Variants in ATP2B2 observed in about 807,000 individuals in gnomAD.
ATP2B2 encodes the protein ATPase plasma membrane Ca2+ transporting 2, also known as plasma membrane calcium-transporting ATPase 2.
Under a neutral mutation model 120.0 loss-of-function variants are expected in ATP2B2, and 15 were observed. That is an observed-to-expected ratio of 0.12 (90% CI 0.08 to 0.19). The LOEUF is 0.19. Among genes scored for constraint, ATP2B2 ranks in the 10% least tolerant of loss-of-function variants. The pLI, the probability that ATP2B2 is intolerant of heterozygous loss-of-function variation, is 1.00. For synonymous variants in ATP2B2, 694 were observed against 700.3 expected, an observed-to-expected ratio of 0.99 and a Z score of 0.14; for missense variants, 1,045 against 1,719.8, an observed-to-expected ratio of 0.61 and a Z score of 6.94.
chr3:10,348,832 C>T (rs1267974093), intron 16 of ATP2B2, among the ~76,000 whole-genome samples: 2 of 152,262 alleles, frequency 1.3e-5, no homozygotes, highest in African/African-American at 2.4e-5. Context: ...AGGACCAGGC[C>T]TGTCCTGAGC....
At chr3:10,482,127 C>T (rs1008767809) in intron 1 of ATP2B2, among the ~76,000 whole-genome samples, 5 of 152,290 alleles carry the variant, frequency 3.3e-5, no homozygotes, top group African/African-American at 9.6e-5. Flanking sequence ...TGTTGGTGCG[C>T]GGTAGGTGCT....
chr3:10,704,674 A>C (rs1269565578), intron 1 of ATP2B2, among the ~76,000 whole-genome samples: 2 of 152,182 alleles, frequency 1.3e-5, no homozygotes, highest in Non-Finnish European at 2.9e-5. Flanking sequence ...TTTTGGGTTC[A>C]GTTAGCAGAT....
At chr3:10,677,830 C>T (rs1040226014) in intron 1 of ATP2B2, among the ~76,000 whole-genome samples, 4 of 152,148 alleles carry the variant, frequency 2.6e-5, no homozygotes, top group Non-Finnish European at 4.4e-5. Context: ...AAGCAACATT[C>T]ATGACTAAGT....
At chr3:10,667,472 C>G (rs2125687534) in intron 1 of ATP2B2, among the ~76,000 whole-genome samples, 1 of 152,348 alleles carries the variant, frequency 6.6e-6, no homozygotes, top group South Asian at 2.1e-4. Context: ...AGAACGCATC[C>G]TTCTGGGGTT....
intron 2 of ATP2B2, among the ~76,000 whole-genome samples, chr3:10,586,109 G>A (rs1274268012): frequency 6.6e-6 from 1 of 152,194 alleles, no homozygotes; most frequent in Non-Finnish European, 1.5e-5. Flanking sequence ...TTTTAGAGGA[G>A]ATAAATAGTG....
intron 1 of ATP2B2, among the ~76,000 whole-genome samples, chr3:10,501,352 G>T (rs1245581406): frequency 6.7e-6 from 1 of 149,672 alleles, no homozygotes; most frequent in Non-Finnish European, 1.5e-5. Context: ...GTTTTCCATA[G>T]CATAACCCAT....
intron 14 of ATP2B2, among the ~76,000 whole-genome samples, chr3:10,352,783 G>T (rs952150752): frequency 4.6e-5 from 7 of 152,228 alleles, no homozygotes; most frequent in Non-Finnish European, 7.3e-5. Context: ...CTGTAAACTG[G>T]GCTGTGGCCC....
At chr3:10,678,010 C>G (rs1200536955) in intron 1 of ATP2B2, among the ~76,000 whole-genome samples, 1 of 152,140 alleles carries the variant, frequency 6.6e-6, no homozygotes, top group African/African-American at 2.4e-5. Context: ...GGATAAAATA[C>G]TGTCCAAGGT....
chr3:10,399,546 G>C (rs778249751), intron 5 of ATP2B2, among the ~76,000 whole-genome samples: 2 of 152,106 alleles, frequency 1.3e-5, no homozygotes, highest in Non-Finnish European at 2.9e-5. Flanking sequence ...TTACTTTATT[G>C]GTTCTCTCCT....
chr3:10,488,795 C>A (rs1044445267), intron 1 of ATP2B2, among the ~76,000 whole-genome samples: 6 of 152,144 alleles, frequency 3.9e-5, no homozygotes, highest in African/African-American at 1.4e-4. Flanking sequence ...ACACTCATTG[C>A]AGTAGCCTCC....
At chr3:10,528,757 G>C (rs1007826720) in intron 3 of ATP2B2, among the ~76,000 whole-genome samples, 1 of 152,218 alleles carries the variant, frequency 6.6e-6, no homozygotes, top group Non-Finnish European at 1.5e-5. Context: ...ATATTATTTA[G>C]TCAACCTAGC....
chr3:10,351,278 G>C (rs1023027367), intron 14 of ATP2B2, among the ~76,000 whole-genome samples: 7 of 147,940 alleles, frequency 4.7e-5, no homozygotes, highest in African/African-American at 1.5e-4. Flanking sequence ...GCCCTGAGCA[G>C]AGCTGAGGGT....
intron 1 of ATP2B2, among the ~76,000 whole-genome samples, chr3:10,679,815 C>T (rs1310045829): frequency 1.3e-5 from 2 of 152,070 alleles, no homozygotes; most frequent in African/African-American, 4.8e-5. Context: ...AAACATACAT[C>T]TGGTGCCTGT....
At chr3:10,698,473 A>G (rs1026521601) in intron 1 of ATP2B2, among the ~76,000 whole-genome samples, 1 of 152,170 alleles carries the variant, frequency 6.6e-6, no homozygotes, top group African/African-American at 2.4e-5. Flanking sequence ...AGGAAATCCA[A>G]TTCACTGAAG....
chr3:10,452,672 A>G (rs2064103503), intron 1 of ATP2B2, among the ~76,000 whole-genome samples: 1 of 152,040 alleles, frequency 6.6e-6, no homozygotes, highest in South Asian at 2.1e-4. Context: ...TGTAGGAGAG[A>G]TGGGTCTCAG....
intron 1 of ATP2B2, among the ~76,000 whole-genome samples, chr3:10,476,597 G>A (rs1276284053): frequency 2.0e-5 from 3 of 152,196 alleles, no homozygotes; most frequent in South Asian, 2.1e-4. Flanking sequence ...GTGGCTGCAT[G>A]GCACAGGATC....
rs568092102 is a variant in ATP2B2 at position 10,413,008 on chromosome 3, A to T, written c.200-2193T>A. ...AGCACTAGCAGCACACTGGGGTTGC[A>T]GGACTGGACCATGTGGCTGATGGGA... On this transcript the variant is annotated intron_variant, in intron 2 of 22. Coordinates refer to ENST00000360273, the MANE Select transcript of ATP2B2 (RefSeq NM_001001331.4). 5.3e-5 allele frequency among the ~76,000 whole-genome samples: 8 copies of T among 152,342 alleles called. No individual in the cohort carries two copies. In the South Asian group the frequency reaches 1.5e-3, roughly 28 times the overall value.
At chr3:10,566,138 C>A (rs1395561572) in intron 2 of ATP2B2, 9 of 152,380 alleles carry the variant, frequency 5.9e-5, no homozygotes, top group African/African-American at 2.2e-4. Context: ...ATCCACCTAT[C>A]AGTCCATCCA....
chr3:10,449,962 C>T (rs2063975616), intron 1 of ATP2B2, 100 bp from the exon 2 acceptor site: 3 of 336,012 alleles, frequency 8.9e-6, no homozygotes, highest in Admixed American at 8.2e-5. Flanking sequence ...GCAACCTAAA[C>T]AACACTGACT....
Sources: gnomAD v4.1 joint callset for allele counts (sites outside exome capture counted in the v4.1 genomes callset) on GRCh38, gnomAD v4.1.1 for gene constraint, MANE v1.5 for transcripts, NCBI Gene and HGNC (gene_info 2026-07-23, HGNC 2026-07-21) for gene names.